The following CRISPLD2 variants were observed in gnomAD, a reference collection of about 807,000 sequenced individuals.
CRISPLD2 encodes cysteine rich secretory protein LCCL domain containing 2.
CRISPLD2 carries 47 observed loss-of-function variants against 71.1 expected under a neutral mutation model. The observed-to-expected ratio is 0.66, with a 90% CI of 0.52 to 0.84. The LOEUF (loss-of-function observed/expected upper bound fraction) is 0.84. Among genes scored for constraint, CRISPLD2 ranks in the 40% least tolerant of loss-of-function variants. The pLI, the probability that CRISPLD2 is intolerant of heterozygous loss-of-function variation, is 0.00. For synonymous variants in CRISPLD2, 317 were observed against 250.1 expected (o/e 1.27, Z -2.52); for missense variants, 830 against 651.1 (o/e 1.27, Z -2.99).
At position 84,909,189 on chromosome 16, in the gene CRISPLD2, C is replaced by T. The variant is rs771633257; in HGVS notation, c.*2547C>T. On this transcript the variant is annotated 3_prime_UTR_variant, in exon 15 of 15. Coordinates refer to ENST00000262424, the MANE Select transcript of CRISPLD2 (RefSeq NM_031476.4). ...TACCAAGCCAACGGCGTTCCTGGCT[C>T]TCCTGCCCACAGGATGAACATTTTC... 1.3e-5 allele frequency: 2 copies of T among 152,644 alleles called. No homozygotes were observed. Among genetic ancestry groups the T allele is most frequent in the Non-Finnish European group, 2.9e-5 (2 of 68,042 alleles). The allele number at this position is 152,644 out of a possible 1,614,324, so 9.5% of individuals were successfully genotyped here. A position where few individuals can be genotyped will look rare whatever the true frequency, so the allele number is the denominator to read the frequency against.
At chr16:84,851,063 A>G (rs941300242) in intron 5 of CRISPLD2, among the ~76,000 whole-genome samples, 6 of 152,210 alleles carry the variant, frequency 3.9e-5, no homozygotes, top group Middle Eastern at 3.2e-3. Context: ...GATTGCCCCA[A>G]CTGGCTTTGC....
chr16:84,905,354 A>G (rs1319216192), intron 14 of CRISPLD2, among the ~76,000 whole-genome samples: 1 of 152,170 alleles, frequency 6.6e-6, no homozygotes, highest in Non-Finnish European at 1.5e-5. Context: ...GTACACTTAG[A>G]AAGGTTGAGT....
intron 14 of CRISPLD2, among the ~76,000 whole-genome samples, chr16:84,906,126 G>A (rs984971471): frequency 9.2e-5 from 14 of 152,118 alleles, no homozygotes; most frequent in East Asian, 5.8e-4. Context: ...TGGTGTCTCC[G>A]TTTCCTCCCC....
Position 84,850,682 on chromosome 16 carries a change from A to C in CRISPLD2, c.607A>C (p.Lys203Gln), listed in dbSNP as rs753074972. The C allele has an allele frequency of 2.5e-6, 4 of 1,610,836 alleles. No individual in the cohort carries two copies. The South Asian group carries it at 4.4e-5, about 18-fold the overall frequency. The change falls in exon 5 of 15, where the codon AAG becomes CAG. Residue 203 changes from lysine (K) to glutamine (Q), a missense_variant and splice_region_variant. Coordinates refer to ENST00000262424, the MANE Select transcript of CRISPLD2 (RefSeq NM_031476.4). Reference protein sequence around the residue: ...AVYFVCNYSPKGNWIGEAPYK... With the variant: ...AVYFVCNYSPQGNWIGEAPYK... Reference sequence around the variant, plus strand: ...CTACTTTGTCTGCAATTATTCTCCAAAGTAAGACAAGTTGATGCCGTTGTA... The same window carrying C: ...CTACTTTGTCTGCAATTATTCTCCACAGTAAGACAAGTTGATGCCGTTGTA...
intron 1 of CRISPLD2, among the ~76,000 whole-genome samples, chr16:84,822,814 A>G (rs959339175): frequency 6.6e-6 from 1 of 152,048 alleles, no homozygotes; most frequent in Non-Finnish European, 1.5e-5. Flanking sequence ...GGTGGTTAAT[A>G]GGATGGGCCA....
intron 1 of CRISPLD2, among the ~76,000 whole-genome samples, chr16:84,822,839 T>G (rs1916261389): frequency 6.6e-6 from 1 of 152,188 alleles, no homozygotes; most frequent in African/African-American, 2.4e-5. Context: ...CTGTTTTTCT[T>G]TTTCCTGAAA....
chr16:84,878,833 C>G (rs912191830), intron 12 of CRISPLD2, among the ~76,000 whole-genome samples: 1 of 152,236 alleles, frequency 6.6e-6, no homozygotes. Context: ...ATCTGTAATG[C>G]TAAGCTGCCC....
At chr16:84,867,239 A>G (rs1917567405) in intron 7 of CRISPLD2, among the ~76,000 whole-genome samples, 199 bp downstream of exon 7, 1 of 152,222 alleles carries the variant, frequency 6.6e-6, no homozygotes, top group African/African-American at 2.4e-5. Context: ...AAAAGCGAGC[A>G]TTATAGGACT....
chr16:84,908,354 G>A lies in CRISPLD2; in HGVS notation c.*1712G>A, dbSNP rs561531874. The A allele has an allele frequency of 1.3e-5, 2 of 152,352 alleles. No homozygotes were observed. Among genetic ancestry groups the A allele is most frequent in the African/African-American group, 2.4e-5 (1 of 41,558 alleles). 9.4% of individuals were successfully genotyped at this position (152,352 alleles called of 1,614,324 possible). A position where few individuals can be genotyped will look rare whatever the true frequency, so the allele number is the denominator to read the frequency against. On this transcript the variant is annotated 3_prime_UTR_variant, in exon 15 of 15. Coordinates refer to ENST00000262424, the MANE Select transcript of CRISPLD2 (RefSeq NM_031476.4). ...CCCAAATGTCGGAGAGGAAGAATTC[G>A]GTCAGCCTGTCAGGTCGTGAGTCCA...
chr16:84,848,989 A>C (rs1350133202), intron 3 of CRISPLD2, among the ~76,000 whole-genome samples: 3 of 151,008 alleles, frequency 2.0e-5, no homozygotes, highest in Admixed American at 6.6e-5. Context: ...CCGTCTCAAA[A>C]AAAAAAAAAA....
chr16:84,884,642 A>T (rs2143330693), intron 13 of CRISPLD2, among the ~76,000 whole-genome samples: 1 of 152,276 alleles, frequency 6.6e-6, no homozygotes, highest in Non-Finnish European at 1.5e-5. Flanking sequence ...GGAAGGAAGA[A>T]AGGAGGAAAG....
chr16:84,878,495 GTTGTGGAGCGTGT>G (rs1306403236), intron 12 of CRISPLD2, among the ~76,000 whole-genome samples: 17 of 152,196 alleles, frequency 1.1e-4, no homozygotes, highest in African/African-American at 3.6e-4. Context: ...ACTCAGCCGT[GTTGTGGAGCGTGT>G]TTGTTTATTC....
chr16:84,906,892 G>A lies in CRISPLD2; in HGVS notation c.*250G>A, dbSNP rs999158707. Reference sequence around the variant, plus strand: ...GGGGCCTGGGGGTCTCCATCTGGACGTCCTCTCTCCTTTAGAGATCTGAGC... The same window carrying A: ...GGGGCCTGGGGGTCTCCATCTGGACATCCTCTCTCCTTTAGAGATCTGAGC... On this transcript the variant is annotated 3_prime_UTR_variant, in exon 15 of 15. Transcript: ENST00000262424. The A allele has an allele frequency of 1.2e-5, 7 of 575,300 alleles. No homozygotes were observed. The highest frequency in any genetic ancestry group is 6.1e-5 in the East Asian group (2 of 32,834). 35.6% of individuals were successfully genotyped at this position (575,300 alleles called of 1,614,324 possible).
intron 1 of CRISPLD2, among the ~76,000 whole-genome samples, chr16:84,835,673 A>G (rs767900129): frequency 2.0e-5 from 3 of 152,156 alleles, no homozygotes; most frequent in South Asian, 4.1e-4. Context: ...TTGTCTTCCA[A>G]TGTGGAGGTT....
rs2071642428 is a variant in CRISPLD2, at chr16:84,889,478, G to T, written c.1439+115G>T. 7 of 1,129,256 alleles carry T rather than the reference G, an allele frequency of 6.2e-6. No individual in the cohort carries two copies. The South Asian group carries it at 1.5e-4, about 24-fold the overall frequency. The allele number at this position is 1,129,256 out of a possible 1,614,324, so 70.0% of individuals were successfully genotyped here. ...TTTAAAATAAAACTCGGGTAGACTT[G>T]CACGAATTCTTACCAGGACTCCCAG... is the stretch of plus-strand genomic sequence containing the variant. On this transcript the variant is annotated intron_variant, in intron 14 of 14. Coordinates refer to ENST00000262424, the MANE Select transcript of CRISPLD2 (RefSeq NM_031476.4).
At chr16:84,861,042 T>C (rs1226326873) in intron 6 of CRISPLD2, among the ~76,000 whole-genome samples, 3 of 152,192 alleles carry the variant, frequency 2.0e-5, no homozygotes, top group Non-Finnish European at 2.9e-5. Flanking sequence ...GTATTCAGTC[T>C]AGAGTCACTG....
chr16:84,880,321 A>G (rs560800249), intron 12 of CRISPLD2, among the ~76,000 whole-genome samples, 188 bp from the exon 13 acceptor site: 41 of 152,318 alleles, frequency 2.7e-4, no homozygotes, highest in Admixed American at 6.5e-4. Context: ...TAAGAGAAGC[A>G]AAAATAGTAA....
chr16:84,852,903 G>A (rs989461339), intron 5 of CRISPLD2, among the ~76,000 whole-genome samples: 25 of 152,066 alleles, frequency 1.6e-4, no homozygotes, highest in African/African-American at 5.1e-4. Context: ...CCATCTCCAC[G>A]AAAAATACAA....
rs549861189 is a variant in CRISPLD2, at chr16:84,869,746, C to T, written c.914+835C>T. On this transcript the variant is annotated intron_variant, in intron 8 of 14. Coordinates refer to ENST00000262424, the MANE Select transcript of CRISPLD2 (RefSeq NM_031476.4). Reference sequence around the variant, plus strand: ...AAAGCAGGCAGCGCCTGGCAGGGGCCTCCGCCGTGTGCACTGCCCCGTCTG... The same window carrying T: ...AAAGCAGGCAGCGCCTGGCAGGGGCTTCCGCCGTGTGCACTGCCCCGTCTG... 1.0e-3 allele frequency among the ~76,000 whole-genome samples: 158 copies of T among 152,386 alleles called. 1 individual carries two copies. The highest frequency in any genetic ancestry group is 3.7e-3 in the African/African-American group (153 of 41,598).
Sources: allele counts gnomAD v4.1 joint callset (sites outside exome capture counted in the v4.1 genomes callset), GRCh38; gene constraint gnomAD v4.1.1; transcripts MANE v1.5; gene names NCBI Gene and HGNC (gene_info 2026-07-23, HGNC 2026-07-21).